ANGPT1: variants seen among roughly 807,000 people sequenced by gnomAD.
ANGPT1 encodes the protein angiopoietin 1, also known as angiopoietin-1.
ANGPT1 carries 17 observed loss-of-function variants against 62.2 expected under a neutral mutation model. The observed-to-expected ratio is 0.27, with a 90% confidence interval of 0.19 to 0.41. The LOEUF (loss-of-function observed/expected upper bound fraction) is 0.41, where lower values mean the gene tolerates loss of function less well. Among genes scored for constraint, ANGPT1 ranks in the 10% least tolerant of loss-of-function variants. ANGPT1 has a pLI of 1.00. For missense variants in ANGPT1, 478 were observed against 594.9 expected, an observed-to-expected ratio of 0.80 and a Z score of 2.04; for synonymous variants, 199 against 198.9, an observed-to-expected ratio of 1.00 and a Z score of 0.00.
intron 1 of ANGPT1, among the ~76,000 whole-genome samples, chr8:107,347,752 C>G (rs1815836652): frequency 6.6e-6 from 1 of 152,192 alleles, no homozygotes; most frequent in Non-Finnish European, 1.5e-5. Context: ...TGTAATCATT[C>G]TCCATGCTCC....
intron 1 of ANGPT1, among the ~76,000 whole-genome samples, chr8:107,403,077 C>CCCT (rs1817077479): frequency 1.3e-5 from 2 of 152,104 alleles, no homozygotes. Flanking sequence ...TGAAAGGGAG[C>CCCT]TTCTAGAGTG....
intron 6 of ANGPT1, among the ~76,000 whole-genome samples, chr8:107,285,609 G>C (rs1210343996): frequency 1.3e-5 from 2 of 151,972 alleles, no homozygotes; most frequent in African/African-American, 4.8e-5. Flanking sequence ...GTTCTCTTTG[G>C]GGGAAGTCAA....
Position 107,497,652 on chromosome 8 carries a change from T to A in ANGPT1, c.-94A>T. The A allele has an allele frequency of 2.3e-6, 3 of 1,308,240 alleles. No homozygotes were observed. Among genetic ancestry groups the A allele is most frequent in the Non-Finnish European group, 3.1e-6 (3 of 973,072 alleles). The allele number at this position is 1,308,240 out of a possible 1,614,324, so 81.0% of individuals were successfully genotyped here. A position where few individuals can be genotyped will look rare whatever the true frequency, so the allele number is the denominator to read the frequency against. ...GTTCTTTATTTCAGGTAAAACTGCT[T>A]GTTTGTTTGACTCTTTCCCCCTCAA... On this transcript the variant is annotated 5_prime_UTR_variant, in exon 1 of 9. Transcript: ENST00000517746.
At chr8:107,273,618 T>G (rs1813791053) in intron 7 of ANGPT1, among the ~76,000 whole-genome samples, 1 of 152,020 alleles carries the variant, frequency 6.6e-6, no homozygotes, top group African/African-American at 2.4e-5. Context: ...CTCCTCTGGC[T>G]GGGATCTCAA....
chr8:107,407,268 GT>G (rs5893857), intron 1 of ANGPT1, among the ~76,000 whole-genome samples: 3 of 149,340 alleles, frequency 2.0e-5, no homozygotes, highest in African/African-American at 4.9e-5. Context: ...TGTAGACCAT[GT>G]TTTTTTTTTT....
intron 1 of ANGPT1, among the ~76,000 whole-genome samples, chr8:107,396,271 T>A (rs1407906314): frequency 6.6e-6 from 1 of 152,146 alleles, no homozygotes; most frequent in African/African-American, 2.4e-5. Flanking sequence ...ATTTATCCTA[T>A]CCAATTAGCC....
chr8:107,262,897 A>G (rs554387039), intron 8 of ANGPT1, among the ~76,000 whole-genome samples: 34 of 152,238 alleles, frequency 2.2e-4, no homozygotes, highest in Non-Finnish European at 4.3e-4. Flanking sequence ...TCATGTATCA[A>G]CTTCACAGTT....
At chr8:107,374,055 C>T (rs2130252759) in intron 1 of ANGPT1, among the ~76,000 whole-genome samples, 1 of 152,230 alleles carries the variant, frequency 6.6e-6, no homozygotes, top group South Asian at 2.1e-4. Flanking sequence ...ACCTTAATTC[C>T]CATTTAAGAG....
chr8:107,268,844 G>A (rs73309769), intron 7 of ANGPT1, among the ~76,000 whole-genome samples: 1 of 151,994 alleles, frequency 6.6e-6, no homozygotes, highest in Non-Finnish European at 1.5e-5. Context: ...TGGTTGAAAT[G>A]ATGTACAAGT....
chr8:107,395,840 G>A (rs1816924144), intron 1 of ANGPT1, among the ~76,000 whole-genome samples: 1 of 152,124 alleles, frequency 6.6e-6, no homozygotes, highest in African/African-American at 2.4e-5. Context: ...AAGATAGGAT[G>A]TACTTCTTCA....
At chr8:107,253,074 C>G (rs1169362277) in intron 8 of ANGPT1, among the ~76,000 whole-genome samples, 1 of 152,170 alleles carries the variant, frequency 6.6e-6, no homozygotes, top group African/African-American at 2.4e-5. Flanking sequence ...CATTTTTCAA[C>G]TTTAGAAGAT....
At chr8:107,296,372 G>C (rs547315932) in intron 5 of ANGPT1, among the ~76,000 whole-genome samples, 6 of 152,194 alleles carry the variant, frequency 3.9e-5, no homozygotes, top group Admixed American at 1.3e-4. Flanking sequence ...GAACAGGAGA[G>C]ATAAAATAGG....
chr8:107,407,289 T>C (rs1817169210), intron 1 of ANGPT1, among the ~76,000 whole-genome samples: 1 of 151,668 alleles, frequency 6.6e-6, no homozygotes, highest in South Asian at 2.1e-4. Context: ...TGTAAATTGC[T>C]GGCAGCCCTT....
intron 1 of ANGPT1, among the ~76,000 whole-genome samples, chr8:107,363,361 G>A (rs1186519384): frequency 1.3e-5 from 2 of 152,178 alleles, no homozygotes; most frequent in African/African-American, 4.8e-5. Flanking sequence ...ATTCTCTGGT[G>A]TAACTGCATA....
At chr8:107,301,556 T>C (rs1263605308) in intron 5 of ANGPT1, among the ~76,000 whole-genome samples, 1 of 151,928 alleles carries the variant, frequency 6.6e-6, no homozygotes, top group African/African-American at 2.4e-5. Flanking sequence ...TGCCATTGTA[T>C]TTCAATTTTT....
chr8:107,422,873 G>C (rs546608621), intron 1 of ANGPT1, among the ~76,000 whole-genome samples: 2 of 152,186 alleles, frequency 1.3e-5, no homozygotes, highest in African/African-American at 4.8e-5. Flanking sequence ...TGTGCAAGCA[G>C]GTCTAAATGA....
At chr8:107,354,656 C>G (rs1816003083) in intron 1 of ANGPT1, among the ~76,000 whole-genome samples, 1 of 152,106 alleles carries the variant, frequency 6.6e-6, no homozygotes, top group Admixed American at 6.5e-5. Context: ...TAGCAAAGCC[C>G]TGGACTGGAT....
intron 1 of ANGPT1, among the ~76,000 whole-genome samples, chr8:107,467,221 T>G (rs1812227916): frequency 6.6e-6 from 1 of 151,950 alleles, no homozygotes; most frequent in South Asian, 2.1e-4. Context: ...CATTACATAT[T>G]AAATCCCTCT....
chr8:107,304,447 A>T (rs1814667186), intron 4 of ANGPT1, among the ~76,000 whole-genome samples: 1 of 151,764 alleles, frequency 6.6e-6, no homozygotes, highest in Non-Finnish European at 1.5e-5. Context: ...ATCAATAAAT[A>T]TCTGCATTCA....
Sources: allele counts gnomAD v4.1 joint callset (sites outside exome capture counted in the v4.1 genomes callset), GRCh38; gene constraint gnomAD v4.1.1; transcripts MANE v1.5; gene names NCBI Gene and HGNC (gene_info 2026-07-23, HGNC 2026-07-21).